CSMD1: variants seen among roughly 807,000 people sequenced by gnomAD.
CSMD1 encodes CUB and sushi domain-containing protein 1.
Under a neutral mutation model 417.5 loss-of-function variants are expected in CSMD1, and 213 were observed. That is an observed-to-expected ratio of 0.51 (90% CI 0.46 to 0.57). CSMD1 has a LOEUF of 0.57. Ranked by LOEUF, CSMD1 falls within the 20% of genes least tolerant of loss-of-function variation. The probability of loss-of-function intolerance (pLI) is 0.00; values close to 1 mark genes in which losing one functional copy is unlikely to be tolerated. For missense variants in CSMD1, 6,923 were observed against 4,529.7 expected (o/e 1.53, Z -15.17); for synonymous variants, 2,862 against 1,736.8 (o/e 1.65, Z -16.11).
At chr8:4,076,927 C>T (rs968660124) in intron 3 of CSMD1, among the ~76,000 whole-genome samples, 3 of 152,038 alleles carry the variant, frequency 2.0e-5, no homozygotes, top group Non-Finnish European at 4.4e-5. Context: ...ACATGGATAT[C>T]AGTAAAAAAA....
chr8:3,796,546 C>G (rs1478118621), intron 5 of CSMD1, among the ~76,000 whole-genome samples: 2 of 140,904 alleles, frequency 1.4e-5, no homozygotes, highest in Non-Finnish European at 3.1e-5. Context: ...ATATCTATAT[C>G]CATACATGAT....
chr8:3,257,156 C>T (rs112448868), intron 26 of CSMD1, among the ~76,000 whole-genome samples: 192 of 152,176 alleles, frequency 1.3e-3, no homozygotes, highest in Middle Eastern at 3.4e-3. Context: ...ACCCCATCTC[C>T]GCTAAAAACA....
At chr8:4,019,185 G>A (rs1220198262) in intron 4 of CSMD1, among the ~76,000 whole-genome samples, 2 of 152,162 alleles carry the variant, frequency 1.3e-5, no homozygotes, top group African/African-American at 4.8e-5. Flanking sequence ...AACAGTCCAA[G>A]ACAGGTTTAT....
At chr8:3,538,690 G>A (rs899619923) in intron 10 of CSMD1, among the ~76,000 whole-genome samples, 25 of 152,186 alleles carry the variant, frequency 1.6e-4, no homozygotes, top group African/African-American at 4.3e-4. Context: ...AACGTGGCAT[G>A]GCCTGCCATC....
rs60789958 is a variant in CSMD1, at chr8:3,764,031, G to T, written c.819-9989C>A. Among the ~76,000 whole-genome samples the T allele has an allele frequency of 9.6e-3, 1,468 of 152,246 alleles. 21 individuals carry two copies. The highest frequency in any genetic ancestry group is 0.033 in the African/African-American group (1,382 of 41,560). ...CTCCTCAGCAGGTGTTTGGCACACA[G>T]CCACCCCTTGTTTCAGGATTTCTGG... On this transcript the variant is annotated intron_variant, in intron 5 of 69. Coordinates refer to ENST00000635120, the MANE Select transcript of CSMD1 (RefSeq NM_033225.6).
In CSMD1 at chr8:4,419,362, G is replaced by T. The variant is rs571596651; in HGVS notation, c.415+591C>A. On this transcript the variant is annotated intron_variant, in intron 3 of 69. Coordinates refer to ENST00000635120, the MANE Select transcript of CSMD1 (RefSeq NM_033225.6). ...TGAAATGATAATTTCCTTTTCCAAA[G>T]TTCTATCTCTGCATTTAAAAAAAAT... 6.6e-5 allele frequency among the ~76,000 whole-genome samples: 10 copies of T among 152,186 alleles called. No homozygotes were observed. The South Asian group carries it at 2.1e-3, about 32-fold the overall frequency.
At chr8:3,962,841 A>G (rs760364153) in intron 5 of CSMD1, among the ~76,000 whole-genome samples, 5 of 152,252 alleles carry the variant, frequency 3.3e-5, no homozygotes, top group Non-Finnish European at 7.3e-5. Flanking sequence ...ATGTTGTGAT[A>G]AAACAGACAT....
At chr8:3,694,986 T>A (rs1031254061) in intron 7 of CSMD1, among the ~76,000 whole-genome samples, 4 of 151,838 alleles carry the variant, frequency 2.6e-5, no homozygotes, top group Admixed American at 6.6e-5. Context: ...CTACCTGAGT[T>A]TTTAAAGATG....
chr8:4,392,418 A>C (rs1803907129), intron 3 of CSMD1, among the ~76,000 whole-genome samples: 1 of 152,238 alleles, frequency 6.6e-6, no homozygotes, highest in Non-Finnish European at 1.5e-5. Flanking sequence ...ATCCCTCCCA[A>C]AAATATGAAG....
rs181270108 is a variant in CSMD1 at position 4,284,821 on chromosome 8, C to T, written c.415+135132G>A. ...TTTTACAAACTTCAATATATGTGGC[C>T]GTGTTCAAAAACAAAACAAAACAAA... On this transcript the variant is annotated intron_variant, in intron 3 of 69. Transcript: ENST00000635120. 9.9e-5 allele frequency among the ~76,000 whole-genome samples: 15 copies of T among 152,002 alleles called. 1 individual carries two copies. The highest frequency in any genetic ancestry group is 3.1e-4 in the African/African-American group (13 of 41,476).
intron 50 of CSMD1, among the ~76,000 whole-genome samples, chr8:3,047,558 C>T (rs1409063542): frequency 2.6e-5 from 4 of 152,182 alleles, no homozygotes; most frequent in Admixed American, 6.5e-5. Context: ...CCTCGCTGTG[C>T]CCATGGAACT....
At chr8:3,221,760 T>A (rs995522483) in intron 28 of CSMD1, among the ~76,000 whole-genome samples, 14 of 152,022 alleles carry the variant, frequency 9.2e-5, no homozygotes, top group African/African-American at 3.4e-4. Context: ...TGAGCCCCAA[T>A]GTGTGAGCCC....
At chr8:3,103,039 G>A (rs967282988) in intron 46 of CSMD1, among the ~76,000 whole-genome samples, 2 of 152,250 alleles carry the variant, frequency 1.3e-5, no homozygotes, top group East Asian at 3.9e-4. Flanking sequence ...CCAGCACCTG[G>A]ACCCATTTAG....
chr8:4,462,389 G>A (rs910590529), intron 2 of CSMD1, among the ~76,000 whole-genome samples: 2 of 152,008 alleles, frequency 1.3e-5, no homozygotes, highest in Admixed American at 6.6e-5. Context: ...TGAATCAGAA[G>A]ACTTAATATA....
chr8:4,686,696 T>C (rs1806407512), intron 1 of CSMD1, among the ~76,000 whole-genome samples: 1 of 152,228 alleles, frequency 6.6e-6, no homozygotes, highest in Non-Finnish European at 1.5e-5. Flanking sequence ...AAGGCTCATA[T>C]TACATAAATT....
Position 4,453,810 on chromosome 8 carries a change from GTTTC to G in CSMD1, c.303-33749_303-33746del, listed in dbSNP as rs1563192105. Among the ~76,000 whole-genome samples, 27 of 93,042 alleles carry G rather than the reference GTTTC, an allele frequency of 2.9e-4. 1 individual carries two copies. The highest frequency in any genetic ancestry group is 1.6e-3 in the South Asian group (4 of 2,450). The allele number at this position is 93,042 out of a possible 152,430, so 61.0% of individuals were successfully genotyped here. A position where few individuals can be genotyped will look rare whatever the true frequency, so the allele number is the denominator to read the frequency against. ...GTTCCCGAACAAGATTGCGCAATTC[GTTTC>G]TTTTTTTTTTTTTTTTTTTTTTTTT... On this transcript the variant is annotated intron_variant, in intron 2 of 69. Coordinates refer to ENST00000635120, the MANE Select transcript of CSMD1 (RefSeq NM_033225.6).
intron 5 of CSMD1, among the ~76,000 whole-genome samples, chr8:3,877,454 G>C (rs1319180309): frequency 2.0e-5 from 3 of 152,268 alleles, no homozygotes; most frequent in African/African-American, 7.2e-5. Context: ...TCTTAATCTA[G>C]CAGGCCCTAC....
rs530208151 is a variant in CSMD1 at position 3,997,833 on chromosome 8, G to A, written c.818+70C>T. On this transcript the variant is annotated intron_variant, in intron 5 of 69. Transcript: ENST00000635120. The stretch of plus-strand genomic sequence containing the variant: ...GAACGTCCAGAGACAAGCAATTCTT[G>A]AAGCTCGTTGGGGGAAAAAACGGGG... 12 of 1,358,950 alleles carry A rather than the reference G, an allele frequency of 8.8e-6. No individual in the cohort carries two copies. The South Asian group carries it at 1.3e-4, about 15-fold the overall frequency. The allele number at this position is 1,358,950 out of a possible 1,614,324, so 84.2% of individuals were successfully genotyped here.
intron 2 of CSMD1, among the ~76,000 whole-genome samples, chr8:4,483,728 A>T (rs1283336726): frequency 6.6e-6 from 1 of 152,246 alleles, no homozygotes; most frequent in African/African-American, 2.4e-5. Context: ...AGGTTCAAAC[A>T]GTTCTAGAAA....
Sources: gnomAD v4.1 joint callset for allele counts (sites outside exome capture counted in the v4.1 genomes callset) on GRCh38, gnomAD v4.1.1 for gene constraint, MANE v1.5 for transcripts, NCBI Gene and HGNC (gene_info 2026-07-23, HGNC 2026-07-21) for gene names.